Variants in VSTM2B observed in about 807,000 individuals in gnomAD.
The protein encoded by VSTM2B is V-set and transmembrane domain-containing protein 2B.
In VSTM2B, 24 loss-of-function variants were observed where a neutral mutation model predicts 24.0. The ratio of observed to expected loss-of-function variants is 1.00; its 90% CI spans 0.72 to 1.40. The LOEUF (loss-of-function observed/expected upper bound fraction) is 1.40. Ranked by LOEUF, VSTM2B falls within the 40% of genes most tolerant of loss-of-function variation. The pLI is 0.00. For synonymous variants in VSTM2B, 226 were observed against 194.4 expected (o/e 1.16, Z -1.35); for missense variants, 399 against 416.4 (o/e 0.96, Z 0.36).
At chr19:29,527,489 C>A in intron 2 of VSTM2B, 94 bp downstream of exon 2, 2 of 1,146,900 alleles carry the variant, frequency 1.7e-6, no homozygotes, top group Non-Finnish European at 2.3e-6. Context: ...GCTTCACTCG[C>A]GCAGGGCGCC....
Position 29,563,861 on chromosome 19 carries a change from A to G in VSTM2B, c.785A>G (p.Tyr262Cys). The G allele has an allele frequency of 6.4e-7, 1 of 1,552,276 alleles. No individual in the cohort carries two copies. ...TCCCCTGCAGGCACCGGCCGTAGCT[A>G]CACCACAGACCCACTCTTGTCCCTG... ...QRHGSGTGRS[Y>C]TTDPLLSLLL... The change falls in exon 5 of 5, where the codon TAC becomes TGC. Residue 262 changes from tyrosine (Y) to cysteine (C), a missense_variant. Transcript: ENST00000335523.
intron 4 of VSTM2B, among the ~76,000 whole-genome samples, chr19:29,533,334 A>T (rs1243512640): frequency 6.6e-6 from 1 of 152,202 alleles, no homozygotes; most frequent in Non-Finnish European, 1.5e-5. Flanking sequence ...CGGGGCTGAC[A>T]GCAGCACCCC....
At chr19:29,546,256 C>T (rs1456903992) in intron 4 of VSTM2B, among the ~76,000 whole-genome samples, 1 of 152,158 alleles carries the variant, frequency 6.6e-6, no homozygotes, top group Non-Finnish European at 1.5e-5. Flanking sequence ...CGCAAGAGCC[C>T]CATTTACCTG....
intron 4 of VSTM2B, among the ~76,000 whole-genome samples, chr19:29,558,658 A>C (rs988401271): frequency 6.6e-6 from 1 of 152,230 alleles, no homozygotes; most frequent in Non-Finnish European, 1.5e-5. Flanking sequence ...GCAGCTGAAC[A>C]ATGAGAACAC....
intron 4 of VSTM2B, among the ~76,000 whole-genome samples, chr19:29,534,726 A>AAAGAAAG (rs60859902): frequency 1.6e-4 from 24 of 148,706 alleles, no homozygotes; most frequent in East Asian, 1.2e-3. Context: ...CAAAAAAAAA[A>AAAGAAAG]AAAGAAAGAA....
intron 4 of VSTM2B, among the ~76,000 whole-genome samples, chr19:29,547,356 T>A (rs1599894989): frequency 6.6e-6 from 1 of 152,206 alleles, no homozygotes; most frequent in African/African-American, 2.4e-5. Flanking sequence ...TAAAAGTAAC[T>A]CCTGCCATTA....
rs1411217706 is a variant in VSTM2B at position 29,527,352 on chromosome 19, T to G, written c.224T>G (p.Leu75Arg). The change falls in exon 2 of 5, where the codon CTG becomes CGG. Residue 75 changes from leucine (L) to arginine (R), a missense_variant. Leu to Arg is a moderately radical substitution (Grantham distance 102, BLOSUM62 -2). Coordinates refer to ENST00000335523, the MANE Select transcript of VSTM2B (RefSeq NM_001146339.2). ...WWYLKEPPRE[L>R]LHELALSVPG... is the part of the protein sequence containing the mutation. ...TACCTCAAGGAGCCACCCCGGGAGC[T>G]GCTGCACGAGCTGGCGCTCAGCGTG... is the stretch of plus-strand genomic sequence containing the variant. The G allele has an allele frequency of 7.8e-6, 12 of 1,547,038 alleles. No individual in the cohort carries two copies. The highest frequency in any genetic ancestry group is 8.7e-6 in the Non-Finnish European group (10 of 1,146,016).
chr19:29,558,042 A>C (rs1970450066), intron 4 of VSTM2B, among the ~76,000 whole-genome samples: 1 of 152,188 alleles, frequency 6.6e-6, no homozygotes, highest in South Asian at 2.1e-4. Context: ...AAAGGACATG[A>C]ACAGACACTT....
chr19:29,554,228 A>T (rs1401157394), intron 4 of VSTM2B, among the ~76,000 whole-genome samples: 1 of 152,252 alleles, frequency 6.6e-6, no homozygotes, highest in Non-Finnish European at 1.5e-5. Flanking sequence ...TGGACCTCTT[A>T]GCAGAAACCC....
chr19:29,541,198 G>A (rs890739892), intron 4 of VSTM2B, among the ~76,000 whole-genome samples: 5 of 152,222 alleles, frequency 3.3e-5, no homozygotes, highest in Non-Finnish European at 7.3e-5. Flanking sequence ...AAGAGCAGTG[G>A]GATGGGGTTT....
In VSTM2B at chr19:29,534,138, G is replaced by A. The variant is rs113393303; in HGVS notation, c.769+3848G>A. On this transcript the variant is annotated intron_variant, in intron 4 of 4. Coordinates refer to ENST00000335523, the MANE Select transcript of VSTM2B (RefSeq NM_001146339.2). ...GGCAGCCAACAAAGGATTGATGCAG[G>A]TCCCCGGGGCTGGCATCAGTGGGAG... is the stretch of plus-strand genomic sequence containing the variant. Among the ~76,000 whole-genome samples, 11 of 152,308 alleles carry A rather than the reference G, an allele frequency of 7.2e-5. 2 individuals carry two copies. The highest frequency in any genetic ancestry group is 2.6e-4 in the African/African-American group (11 of 41,566).
At chr19:29,532,355 A>C (rs530946463) in intron 4 of VSTM2B, among the ~76,000 whole-genome samples, 1 of 152,258 alleles carries the variant, frequency 6.6e-6, no homozygotes, top group Admixed American at 6.5e-5. Context: ...TTCACAGTGC[A>C]AGGGGAGCGT....
intron 4 of VSTM2B, among the ~76,000 whole-genome samples, chr19:29,554,616 T>C (rs183541316): frequency 9.3e-4 from 142 of 152,186 alleles, no homozygotes; most frequent in Admixed American, 2.4e-3. Flanking sequence ...TTAAAAGACA[T>C]AGAATGGCAG....
chr19:29,533,581 C>T (rs771595516), intron 4 of VSTM2B, among the ~76,000 whole-genome samples: 6 of 152,210 alleles, frequency 3.9e-5, no homozygotes, highest in African/African-American at 4.8e-5. Flanking sequence ...CTATGTCCCA[C>T]TCTGGGCACG....
intron 4 of VSTM2B, among the ~76,000 whole-genome samples, chr19:29,562,234 T>TGACAC (rs1970545203): frequency 6.6e-6 from 1 of 152,138 alleles, no homozygotes; most frequent in Admixed American, 6.5e-5. Flanking sequence ...GGCCAGGACA[T>TGACAC]GAACTCCATG....
intron 4 of VSTM2B, among the ~76,000 whole-genome samples, chr19:29,562,025 G>T (rs1351845977): frequency 6.6e-6 from 1 of 152,158 alleles, no homozygotes; most frequent in Non-Finnish European, 1.5e-5. Flanking sequence ...CTGTCCTAAC[G>T]CTTCTCAGCC....
At chr19:29,542,242 A>C (rs1416880684) in intron 4 of VSTM2B, among the ~76,000 whole-genome samples, 1 of 148,444 alleles carries the variant, frequency 6.7e-6, no homozygotes, top group Admixed American at 6.7e-5. Flanking sequence ...ATGCATAGAT[A>C]CAAGGATGAT....
intron 4 of VSTM2B, among the ~76,000 whole-genome samples, chr19:29,537,367 C>T (rs1031613163): frequency 1.3e-5 from 2 of 152,222 alleles, no homozygotes; most frequent in East Asian, 1.9e-4. Context: ...GAGGTGGCTG[C>T]GGGGGCTGCT....
At chr19:29,542,367 A>G in intron 4 of VSTM2B, among the ~76,000 whole-genome samples, 1 of 149,702 alleles carries the variant, frequency 6.7e-6, no homozygotes, top group African/African-American at 2.5e-5. Context: ...GGGTAAGAAG[A>G]AGGGTGAATC....
Sources: allele counts gnomAD v4.1 joint callset (sites outside exome capture counted in the v4.1 genomes callset), GRCh38; gene constraint gnomAD v4.1.1; transcripts MANE v1.5; gene names NCBI Gene and HGNC (gene_info 2026-07-23, HGNC 2026-07-21).